The following CDC42BPG variants were observed in gnomAD, a reference collection of about 807,000 sequenced individuals.
CDC42BPG encodes serine/threonine-protein kinase MRCK gamma.
A neutral mutation model predicts 192.2 loss-of-function variants in CDC42BPG; 157 were observed. The ratio of observed to expected loss-of-function variants is 0.82; its 90% CI spans 0.72 to 0.93. The LOEUF is 0.93. Among genes scored for constraint, CDC42BPG ranks in the 40% least tolerant of loss-of-function variants. The probability of loss-of-function intolerance (pLI) is 0.00; values close to 1 mark genes in which losing one functional copy is unlikely to be tolerated. For synonymous variants in CDC42BPG, 981 were observed against 918.5 expected (o/e 1.07, Z -1.23); for missense variants, 1,992 against 2,122.1 (o/e 0.94, Z 1.20).
intron 34 of CDC42BPG, 114 bp downstream of exon 34, chr11:64,826,936 T>A (rs1280733240): frequency 3.8e-5 from 44 of 1,162,558 alleles, no homozygotes; most frequent in Non-Finnish European, 4.9e-5. Context: ...GAAGTGTGAG[T>A]CCCAGGCCTT....
Position 64,833,282 on chromosome 11 carries a change from G to T in CDC42BPG, c.2680C>A (p.Arg894Ser), listed in dbSNP as rs557139781. Residue 894 changes from arginine to serine, a missense_variant, in exon 24 of 37, where the codon CGC (arginine) becomes AGC (serine). By Grantham distance (110) the Arg-to-Ser change is moderately radical. Transcript: ENST00000342711. ...AGGCCCAGCATCAGCGAGGTGCAGC[G>T]GAGACACTTGGTCGGGGATGGGAAG... is the stretch of plus-strand genomic sequence containing the variant. ...RSFPSPTKCL[R>S]CTSLMLGLGR... The T allele has an allele frequency of 6.5e-7, 1 of 1,547,082 alleles. No homozygotes were observed. The highest frequency in any genetic ancestry group is 1.2e-5 in the South Asian group (1 of 83,866).
Position 64,836,973 on chromosome 11 carries a change from T to G in CDC42BPG, c.1252A>C (p.Lys418Gln). Residue 418 changes from lysine to glutamine, a missense_variant, in exon 10 of 37, where the codon AAG becomes CAG. By Grantham distance (53) the Lys-to-Gln change is moderately conservative. Around this residue, in one of 2 missense-constraint regions of CDC42BPG, gnomAD observed 1,656 missense variants for 1,844.3 expected, o/e 0.90. Coordinates refer to ENST00000342711, the MANE Select transcript of CDC42BPG (RefSeq NM_017525.3). ...SSEAWAALER[K>Q]LQCLEQEKVE... ...TTCTCCTGCTCCAGACACTGGAGCT[T>G]CCGCTCCAGGGCAGCCCAAGCCTCA... 1.9e-6 allele frequency: 3 copies of G among 1,613,478 alleles called. No individual in the cohort carries two copies. Among genetic ancestry groups the G allele is most frequent in the Non-Finnish European group, 2.5e-6 (3 of 1,179,952 alleles).
Position 64,830,060 on chromosome 11 carries a change from C to T in CDC42BPG, c.3378G>A (p.Gln1126=). The change falls in exon 30 of 37, where the codon CAG becomes CAA. Residue 1126 remains glutamine, a synonymous_variant. Transcript: ENST00000342711. Reference sequence around the variant, plus strand: ...GCTGCACGCGCCGGCACTCCCCCACCTGGAAGATGTCTGCAGGGTTGGCGA... The same window carrying T: ...GCTGCACGCGCCGGCACTCCCCCACTTGGAAGATGTCTGCAGGGTTGGCGA... The part of the protein sequence containing the change: ...VIHLRSNDIF[Q]VGECRRVQQL... 6.2e-7 allele frequency: 1 copy of T among 1,612,722 alleles called. No homozygotes were observed. The highest frequency in any genetic ancestry group is 1.3e-5 in the African/African-American group (1 of 75,050).
Position 64,836,865 on chromosome 11 carries a change from C to T in CDC42BPG, c.1304-46G>A, listed in dbSNP as rs115505867. On this transcript the variant is annotated intron_variant, in intron 10 of 36. Transcript: ENST00000342711. ...ACAGGTGAGTCCACTCCTCCATTCC[C>T]GCAGCAGCAGCCCCTAGGGCCAGCA... 5.3e-3 allele frequency: 8,555 copies of T among 1,609,990 alleles called. 401 individuals are homozygous for T. In the African/African-American group the frequency reaches 0.098, roughly 19 times the overall value.
rs1943038676 is a variant in CDC42BPG at position 64,836,836 on chromosome 11, A to C, written c.1304-17T>G. On this transcript the variant is annotated splice_polypyrimidine_tract_variant and intron_variant, in intron 10 of 36. Coordinates refer to ENST00000342711, the MANE Select transcript of CDC42BPG (RefSeq NM_017525.3). Reference sequence around the variant, plus strand: ...GCAGGGCCTCTGGAGGGGAGGTGGTACCCACAGGTGAGTCCACTCCTCCAT... The same window carrying C: ...GCAGGGCCTCTGGAGGGGAGGTGGTCCCCACAGGTGAGTCCACTCCTCCAT... 2 of 1,609,282 alleles carry C rather than the reference A, an allele frequency of 1.2e-6. No homozygotes were observed. The highest frequency in any genetic ancestry group is 1.7e-5 in the Admixed American group (1 of 59,716).
intron 1 of CDC42BPG, among the ~76,000 whole-genome samples, chr11:64,843,096 G>T (rs1023160637): frequency 6.6e-6 from 1 of 152,126 alleles, no homozygotes; most frequent in African/African-American, 2.4e-5. Flanking sequence ...CAGGCCCACA[G>T]GCAGGAGGAT....
At position 64,836,255 on chromosome 11, in the gene CDC42BPG, C is replaced by T; in HGVS notation, c.1530G>A (p.Gln510=). ...GCTGCCCCTGGGCCCTGCAGAGCTC[C>T]TGCTCCTGAGCCTGCAGCCCTGCCC... ...EGRAGLQAQE[Q]ELCRAQGQQE... The change falls in exon 13 of 37, where the codon CAG becomes CAA. Residue 510 remains glutamine (Q), a synonymous_variant. Coordinates refer to ENST00000342711, the MANE Select transcript of CDC42BPG (RefSeq NM_017525.3). 1 of 1,602,676 alleles carries T rather than the reference C, an allele frequency of 6.2e-7. No homozygotes were observed. Among genetic ancestry groups the T allele is most frequent in the Non-Finnish European group, 8.5e-7 (1 of 1,176,760 alleles).
Position 64,827,565 on chromosome 11 carries a change from T to C in CDC42BPG, c.4112A>G (p.Glu1371Gly), listed in dbSNP as rs753693315. 4 of 1,612,442 alleles carry C rather than the reference T, an allele frequency of 2.5e-6. No homozygotes were observed. In the African/African-American group the frequency reaches 4.0e-5, roughly 16 times the overall value. Residue 1371 changes from glutamate to glycine, a missense_variant, in exon 32 of 37, where the codon GAG becomes GGG. This residue lies in a region of CDC42BPG where 336 missense variants were observed against 277.9 expected (regional missense o/e 1.21). Coordinates refer to ENST00000342711, the MANE Select transcript of CDC42BPG (RefSeq NM_017525.3). ...CCTGAGGTAGGTCAGGCGGACCTTC[T>C]CGGTGCCGTAGAGGAACAGGGAGCC... ...PEGSLFLYGT[E>G]KVRLTYLRNQ...
At position 64,836,099 on chromosome 11, in the gene CDC42BPG, C is replaced by A. The variant is rs753523931; in HGVS notation, c.1668+18G>T. 1.8e-5 allele frequency: 28 copies of A among 1,587,456 alleles called. No homozygotes were observed. Among genetic ancestry groups the A allele is most frequent in the Non-Finnish European group, 2.4e-5 (28 of 1,169,120 alleles). ...GGGCAGGGCCCAGGTGCTGTCCCTACCCACCCTGGTCACTCACCTCCCTCT... is the reference window on the plus strand; with the variant it reads ...GGGCAGGGCCCAGGTGCTGTCCCTAACCACCCTGGTCACTCACCTCCCTCT... On this transcript the variant is annotated intron_variant, in intron 13 of 36. Coordinates refer to ENST00000342711, the MANE Select transcript of CDC42BPG (RefSeq NM_017525.3).
chr11:64,838,166 C>A lies in CDC42BPG; in HGVS notation c.1126-4G>T, dbSNP rs924335417. ...GGGAGGGCGGTGGCAGGGTCCCCTG[C>A]AGAGGGAGAGGGAAGGAGAGTCAGA... is the stretch of plus-strand genomic sequence containing the variant. On this transcript the variant is annotated splice_region_variant and splice_polypyrimidine_tract_variant and intron_variant, in intron 8 of 36. Transcript: ENST00000342711. 2.6e-5 allele frequency: 41 copies of A among 1,550,334 alleles called. No homozygotes were observed. Among genetic ancestry groups the A allele is most frequent in the Non-Finnish European group, 3.0e-5 (34 of 1,147,466 alleles).
intron 36 of CDC42BPG, 29 bp downstream of exon 36, chr11:64,826,441 G>C: frequency 1.3e-6 from 2 of 1,509,204 alleles, no homozygotes; most frequent in Non-Finnish European, 1.8e-6. Flanking sequence ...TTTGAATAGG[G>C]GACGGACAAG....
Position 64,831,584 on chromosome 11 carries a change from G to T in CDC42BPG, c.3225C>A (p.Pro1075=), listed in dbSNP as rs1257092189. 1.2e-6 allele frequency: 2 copies of T among 1,612,398 alleles called. No individual in the cohort carries two copies. The stretch of plus-strand genomic sequence containing the variant: ...CCTCCTTGAGTGTGTACACGGGCCG[G>T]GGTCTTGGCCGCGCGTCCAGCAGCA... ...QRLLLDARPR[P]RPVYTLKEAY... is the part of the protein sequence containing the mutation. The change falls in exon 28 of 37, where the codon CCC becomes CCA. Residue 1075 remains proline, a synonymous_variant. Transcript: ENST00000342711.
At chr11:64,835,017 T>TCCCCCCCCCCCCCCCCCCCCCGCCCC in intron 17 of CDC42BPG, 30 bp downstream of exon 17, 1 of 1,571,960 alleles carries the variant, frequency 6.4e-7, no homozygotes, top group Non-Finnish European at 8.7e-7. Flanking sequence ...TCGCCTGCGT[T>TCCCCCCCCCCCCCCCCCCCCCGCCCC]CCCCACCCCG....
chr11:64,839,962 G>A (rs535380616), intron 5 of CDC42BPG, among the ~76,000 whole-genome samples, 158 bp downstream of exon 5: 1 of 152,288 alleles, frequency 6.6e-6, no homozygotes, highest in South Asian at 2.1e-4. Flanking sequence ...GCCACAGAGG[G>A]CTCTTTGGTA....
chr11:64,827,076 GCCCGTTGGCAGGGCC>G lies in CDC42BPG; in HGVS notation c.4348_4362del (p.Gly1450_Gly1454del). 6.2e-7 allele frequency: 1 copy of G among 1,612,630 alleles called. No individual in the cohort carries two copies. Among genetic ancestry groups the G allele is most frequent in the Non-Finnish European group, 8.5e-7 (1 of 1,178,710 alleles). On this transcript the variant is annotated inframe_deletion, in exon 34 of 37. Coordinates refer to ENST00000342711, the MANE Select transcript of CDC42BPG (RefSeq NM_017525.3). ...GGGGACTTGTCCCTGGCGCCGGGCCGCCCGTTGGCAGGGCCCACGTGTACTAGGTGGTTGAAGTTG... is the reference window on the plus strand; with the variant it reads ...GGGGACTTGTCCCTGGCGCCGGGCCGCACGTGTACTAGGTGGTTGAAGTTG...
At position 64,839,637 on chromosome 11, in the gene CDC42BPG, G is replaced by A. The variant is rs552723183; in HGVS notation, c.582-66C>T. ...TGTGTAAGTGGCCATTTAGGCACAC[G>A]CCCAGGTGCACATGCACGGTGTGTG... On this transcript the variant is annotated intron_variant, in intron 5 of 36. Transcript: ENST00000342711. 89 of 1,343,792 alleles carry A rather than the reference G, an allele frequency of 6.6e-5. No individual in the cohort carries two copies. The African/African-American group carries it at 1.0e-3, about 16-fold the overall frequency. The allele number at this position is 1,343,792 out of a possible 1,614,324, so 83.2% of individuals were successfully genotyped here.
At position 64,831,533 on chromosome 11, in the gene CDC42BPG, C is replaced by G; in HGVS notation, c.3276G>C (p.Leu1092=). Residue 1092 remains leucine (L), a synonymous_variant, in exon 28 of 37, where the codon CTG becomes CTC. Coordinates refer to ENST00000342711, the MANE Select transcript of CDC42BPG (RefSeq NM_017525.3). ...KEAYDNGLPL[L]PHTLCAAILD... ...GGATGGCAGCGCAGAGCGTGTGAGGCAGCAGCGGCAGCCCGTTGTCGTAAG... is the reference window on the plus strand; with the variant it reads ...GGATGGCAGCGCAGAGCGTGTGAGGGAGCAGCGGCAGCCCGTTGTCGTAAG... 2.5e-6 allele frequency: 4 copies of G among 1,611,306 alleles called. No homozygotes were observed. Among genetic ancestry groups the G allele is most frequent in the Non-Finnish European group, 3.4e-6 (4 of 1,178,856 alleles).
rs74959093 is a variant in CDC42BPG at position 64,830,907 on chromosome 11, C to T, written c.3304+598G>A. 8.1e-3 allele frequency among the ~76,000 whole-genome samples: 1,238 copies of T among 152,338 alleles called. 7 individuals carry two copies. The highest frequency in any genetic ancestry group is 0.013 in the Non-Finnish European group (884 of 68,030). ...AGTGAGACAGCCAGGACTGAACCTT[C>T]GTTTCTCTCTTTCTAAAGCCTTTGT... is the stretch of plus-strand genomic sequence containing the variant. On this transcript the variant is annotated intron_variant, in intron 28 of 36. Transcript: ENST00000342711.
chr11:64,841,941 G>T, intron 1 of CDC42BPG, 37 bp from the exon 2 acceptor site: 1 of 1,502,780 alleles, frequency 6.7e-7, no homozygotes, highest in South Asian at 1.2e-5. Flanking sequence ...AGTGCAGGGA[G>T]GGAGGGCTCC....
Sources: gnomAD v4.1 joint callset for allele counts (sites outside exome capture counted in the v4.1 genomes callset) on GRCh38, gnomAD v4.1.1 for gene constraint, gnomAD v4.1.1 regional missense constraint, MANE v1.5 for transcripts, NCBI Gene and HGNC (gene_info 2026-07-23, HGNC 2026-07-21) for gene names.